Variants in PACRGL observed in about 807,000 individuals in gnomAD.
PACRGL encodes the protein parkin coregulated like, also known as PACRG-like protein.
PACRGL carries 38 observed loss-of-function variants against 34.5 expected under a neutral mutation model. That is an observed-to-expected ratio of 1.10 (90% CI 0.85 to 1.44). The LOEUF is 1.44. Ranked by LOEUF, PACRGL falls within the 40% of genes most tolerant of loss-of-function variation. The probability of loss-of-function intolerance (pLI) is 0.00; values close to 1 mark genes in which losing one functional copy is unlikely to be tolerated. For synonymous variants in PACRGL, 128 were observed against 100.1 expected (o/e 1.28, Z -1.66); for missense variants, 305 against 281.4 (o/e 1.08, Z -0.60).
At chr4:20,758,817 T>C in the PACRGL span, 2 of 1,609,236 alleles carry the variant, frequency 1.2e-6, no homozygotes, top group Admixed American at 1.7e-5. Context: ...ACATTTGTAC[T>C]TACCTCCCTG....
chr4:20,713,201 A>G (rs1358799591), intron 6 of PACRGL: 2 of 570,582 alleles, frequency 3.5e-6, no homozygotes, highest in South Asian at 2.5e-5. Context: ...TGTATGCTAC[A>G]TATATTTTAG....
At chr4:20,741,565 A>T (rs1751113171) in intron 8 of PACRGL, among the ~76,000 whole-genome samples, 1 of 152,218 alleles carries the variant, frequency 6.6e-6, no homozygotes, top group Non-Finnish European at 1.5e-5. Context: ...GACACATTTA[A>T]AGCAGTGTGT....
chr4:20,745,999 C>A (rs545671321), intron 8 of PACRGL, among the ~76,000 whole-genome samples: 8 of 152,234 alleles, frequency 5.3e-5, no homozygotes, highest in Non-Finnish European at 8.8e-5. Context: ...ACTAGAAATA[C>A]CATTTGACAC....
chr4:20,704,929 T>G, intron 3 of PACRGL, 115 bp downstream of exon 3: 1 of 1,167,944 alleles, frequency 8.6e-7, no homozygotes, highest in Non-Finnish European at 1.2e-6. Flanking sequence ...GAGCTAATAA[T>G]GAGAGAAGGG....
At chr4:20,711,585 AC>A (rs1484936341) in intron 5 of PACRGL, among the ~76,000 whole-genome samples, 1 of 148,750 alleles carries the variant, frequency 6.7e-6, no homozygotes, top group African/African-American at 2.4e-5. Context: ...GGTCTGAAGG[AC>A]AAATTATTTG....
chr4:20,724,914 C>CT (rs10654905), intron 8 of PACRGL, 26 bp downstream of exon 8: 217,016 of 1,204,008 alleles, frequency 0.18, 12,955 homozygotes, highest in Middle Eastern at 0.22. Flanking sequence ...TTCCTTAAGT[C>CT]TTTTTTTTTA....
chr4:20,744,860 A>T (rs888707992), intron 8 of PACRGL, among the ~76,000 whole-genome samples: 60 of 152,254 alleles, frequency 3.9e-4, no homozygotes, highest in African/African-American at 1.4e-3. Context: ...TAGGTCCCAA[A>T]TTTCCATTTG....
intron 8 of PACRGL, among the ~76,000 whole-genome samples, chr4:20,747,544 C>G (rs1752634360): frequency 1.3e-5 from 2 of 152,112 alleles, no homozygotes; most frequent in Non-Finnish European, 2.9e-5. Flanking sequence ...ATAGTCTTCC[C>G]CCAACCATCT....
At chr4:20,759,793 G>A in the PACRGL span, among the ~76,000 whole-genome samples, 15 of 152,294 alleles carry the variant, frequency 9.8e-5, no homozygotes, top group African/African-American at 2.9e-4. Context: ...GAATTTAGGC[G>A]TAGAGGCCCC....
intron 5 of PACRGL, 200 bp from the exon 6 acceptor site, chr4:20,712,588 G>A (rs1019031749): frequency 2.4e-6 from 1 of 422,274 alleles, no homozygotes; most frequent in Non-Finnish European, 4.0e-6. Context: ...CCTGGAACCA[G>A]TTTCCCTTGG....
In PACRGL at chr4:20,732,220, T is replaced by TA; in HGVS notation, c.*4880dup. The TA allele has an allele frequency of 9.7e-6, 6 of 620,478 alleles. No homozygotes were observed. Among genetic ancestry groups the TA allele is most frequent in the East Asian group, 5.5e-5 (2 of 36,352 alleles). 38.4% of individuals were successfully genotyped at this position (620,478 alleles called of 1,614,324 possible). ...TTCAGAGCAGGAACCAGCAGTTTTTTAGAGATAAAAATGATAGGGCCAAAT... is the reference window on the plus strand; with the variant it reads ...TTCAGAGCAGGAACCAGCAGTTTTTTAAGAGATAAAAATGATAGGGCCAAAT... On this transcript the variant is annotated 3_prime_UTR_variant, in exon 9 of 9. Transcript: ENST00000503585.
chr4:20,750,553 A>G lies in PACRGL; in HGVS notation c.*57-2012A>G, dbSNP rs566077412. 4.0e-5 allele frequency among the ~76,000 whole-genome samples: 6 copies of G among 151,118 alleles called. No homozygotes were observed. In the South Asian group the frequency reaches 1.1e-3, roughly 27 times the overall value. ...TGTTCTTAGTTTGCTTCTATTGGGT[A>G]TTCTTCCCCTCTCATTTTTCCTTCC... On this transcript the variant is annotated intron_variant, in intron 8 of 8. Coordinates refer to the PACRGL transcript ENST00000507634.
intron 3 of PACRGL, 49 bp downstream of exon 3, chr4:20,704,863 G>T (rs372081853): frequency 1.9e-6 from 3 of 1,585,198 alleles, no homozygotes; most frequent in East Asian, 2.2e-5. Context: ...AAGGCATTTC[G>T]CACAGTATTG....
At chr4:20,709,504 T>A (rs553560887) in intron 4 of PACRGL, among the ~76,000 whole-genome samples, 179 bp from the exon 5 acceptor site, 1 of 152,322 alleles carries the variant, frequency 6.6e-6, no homozygotes, top group South Asian at 2.1e-4. Flanking sequence ...GCTGTAAGAC[T>A]AGGAATGTGT....
At chr4:20,698,443 C>T (rs768631033), upstream of PACRGL, among the ~76,000 whole-genome samples, 8 of 152,152 alleles carry the variant, frequency 5.3e-5, no homozygotes, top group African/African-American at 9.7e-5. Context: ...CCCAACTCAG[C>T]GTCTACATAT....
chr4:20,749,762 G>C (rs1370616717), intron 8 of PACRGL: 1 of 1,487,266 alleles, frequency 6.7e-7, no homozygotes, highest in African/African-American at 1.4e-5. Flanking sequence ...GTATCATTAA[G>C]TCAGTGTTTC....
chr4:20,729,943 T>TTTATATTAAAACAAAGC lies in PACRGL; in HGVS notation c.*2605_*2621dup. 1 of 1,006,022 alleles carries TTTATATTAAAACAAAGC rather than the reference T, an allele frequency of 9.9e-7. No homozygotes were observed. Among genetic ancestry groups the TTTATATTAAAACAAAGC allele is most frequent in the Non-Finnish European group, 1.4e-6 (1 of 731,002 alleles). 62.3% of individuals were successfully genotyped at this position (1,006,022 alleles called of 1,614,324 possible). A position where few individuals can be genotyped will look rare whatever the true frequency, so the allele number is the denominator to read the frequency against. On this transcript the variant is annotated 3_prime_UTR_variant, in exon 9 of 9. Transcript: ENST00000503585. The stretch of plus-strand genomic sequence containing the variant: ...AAAGCTCAAATCTTTTGGGGATTGC[T>TTTATATTAAAACAAAGC]TTATATTAAAACAAAGCTTGTTTGC...
At chr4:20,753,965 A>G (rs1008853606), downstream of PACRGL, among the ~76,000 whole-genome samples, 8 of 152,186 alleles carry the variant, frequency 5.3e-5, no homozygotes, top group Non-Finnish European at 1.0e-4. Flanking sequence ...TGCCTAGTGT[A>G]GACAACATAA....
At chr4:20,707,958 T>A in intron 4 of PACRGL, 88 bp downstream of exon 4, 1 of 992,130 alleles carries the variant, frequency 1.0e-6, no homozygotes, top group East Asian at 2.5e-5. Flanking sequence ...GTATTGTAAG[T>A]TTTATTTACT....
Sources: gnomAD v4.1 joint callset for allele counts (sites outside exome capture counted in the v4.1 genomes callset) on GRCh38, gnomAD v4.1.1 for gene constraint, MANE v1.5 for transcripts, NCBI Gene and HGNC (gene_info 2026-07-23, HGNC 2026-07-21) for gene names.